ASTN2: variants seen among roughly 807,000 people sequenced by gnomAD.
ASTN2 encodes the protein astrotactin-2.
In ASTN2, 54 loss-of-function variants were observed where a neutral mutation model predicts 139.8. The observed-to-expected ratio is 0.39, with a 90% CI of 0.31 to 0.48. The LOEUF (loss-of-function observed/expected upper bound fraction) is 0.48, where lower values mean the gene tolerates loss of function less well. ASTN2 is among the 20% of genes least tolerant of loss of function. The probability of loss-of-function intolerance (pLI) is 0.95; values close to 1 mark genes in which losing one functional copy is unlikely to be tolerated. For missense variants in ASTN2, 1,565 were observed against 1,725.1 expected (o/e 0.91, Z 1.64); for synonymous variants, 756 against 719.5 (o/e 1.05, Z -0.81).
intron 20 of ASTN2, among the ~76,000 whole-genome samples, chr9:116,479,515 G>A (rs990920053): frequency 6.6e-6 from 1 of 152,242 alleles, no homozygotes; most frequent in East Asian, 1.9e-4. Context: ...CCAGGAGCCT[G>A]GACTTGCTTG....
At chr9:116,759,594 T>A (rs1829623322) in intron 13 of ASTN2, among the ~76,000 whole-genome samples, 1 of 152,174 alleles carries the variant, frequency 6.6e-6, no homozygotes, top group African/African-American at 2.4e-5. Context: ...TCTGCTTGTA[T>A]ACTGATGACG....
intron 10 of ASTN2, among the ~76,000 whole-genome samples, chr9:116,876,900 C>T (rs138326378): frequency 0.013 from 1,905 of 152,178 alleles, 15 homozygotes; most frequent in South Asian, 0.019. Context: ...TGCTTTATTA[C>T]GGTGTTCTGG....
intron 6 of ASTN2, among the ~76,000 whole-genome samples, chr9:117,039,042 G>A (rs2132646408): frequency 6.6e-6 from 1 of 152,278 alleles, no homozygotes; most frequent in African/African-American, 2.4e-5. Context: ...ATTCTAATTA[G>A]CAAATACTCT....
chr9:116,493,793 TG>T (rs1198715687), intron 19 of ASTN2, among the ~76,000 whole-genome samples: 1 of 149,822 alleles, frequency 6.7e-6, no homozygotes, highest in African/African-American at 2.5e-5. Context: ...GCAGTGGGAG[TG>T]GGGGGATGTG....
intron 19 of ASTN2, among the ~76,000 whole-genome samples, chr9:116,614,069 C>T (rs954062362): frequency 1.2e-4 from 19 of 152,168 alleles, no homozygotes; most frequent in Admixed American, 5.2e-4. Context: ...ACAAGCATTC[C>T]TATACACCAA....
chr9:117,386,580 G>C (rs1387889508), intron 1 of ASTN2, among the ~76,000 whole-genome samples: 1 of 152,184 alleles, frequency 6.6e-6, no homozygotes, highest in East Asian at 1.9e-4. Context: ...TTCTGGGAAG[G>C]AGAGCTGAAA....
At chr9:116,551,773 A>C (rs1477405898) in intron 19 of ASTN2, among the ~76,000 whole-genome samples, 2 of 152,160 alleles carry the variant, frequency 1.3e-5, no homozygotes, top group Non-Finnish European at 2.9e-5. Flanking sequence ...CATTTCTCCC[A>C]AAAACACTGT....
At chr9:116,986,813 A>G (rs1836696571) in intron 7 of ASTN2, among the ~76,000 whole-genome samples, 1 of 152,214 alleles carries the variant, frequency 6.6e-6, no homozygotes, top group South Asian at 2.1e-4. Flanking sequence ...TGCTGTCCCC[A>G]GGCTGCACTG....
At chr9:116,745,984 A>G (rs1296954249) in intron 13 of ASTN2, among the ~76,000 whole-genome samples, 1 of 151,448 alleles carries the variant, frequency 6.6e-6, no homozygotes. Context: ...GTTCTAGGGG[A>G]GAGTTGACTT....
chr9:116,799,707 G>A (rs974306928), intron 13 of ASTN2, among the ~76,000 whole-genome samples: 4 of 55,428 alleles, frequency 7.2e-5, no homozygotes, highest in Non-Finnish European at 1.2e-4. Context: ...GTAAGAGAGT[G>A]GGGGGGGGGA....
chr9:116,872,491 T>C (rs930024147), intron 10 of ASTN2, among the ~76,000 whole-genome samples: 1 of 152,126 alleles, frequency 6.6e-6, no homozygotes, highest in Non-Finnish European at 1.5e-5. Context: ...GTTAAAAATG[T>C]TTCTTTGGTG....
At chr9:116,474,554 C>T (rs1418976005) in intron 20 of ASTN2, among the ~76,000 whole-genome samples, 1 of 152,142 alleles carries the variant, frequency 6.6e-6, no homozygotes, top group Non-Finnish European at 1.5e-5. Context: ...CCAGTGATGA[C>T]TCAAGACTGC....
chr9:116,636,888 T>G, intron 17 of ASTN2, among the ~76,000 whole-genome samples: 1 of 152,158 alleles, frequency 6.6e-6, no homozygotes. Context: ...GGGCTCTACC[T>G]TTATAAATGG....
At chr9:117,016,606 ATATCTATATCTATCTATC>A (rs1181863825) in intron 6 of ASTN2, among the ~76,000 whole-genome samples, 4,081 of 16,722 alleles carry the variant, frequency 0.24, 403 homozygotes, top group Non-Finnish European at 0.31. Context: ...ATATATATCT[ATATCTATATCTATCTATC>A]TATATATATA....
At chr9:116,444,812 A>G (rs534071662) in intron 20 of ASTN2, among the ~76,000 whole-genome samples, 1 of 152,298 alleles carries the variant, frequency 6.6e-6, no homozygotes, top group South Asian at 2.1e-4. Context: ...AACATCTGTG[A>G]TAGACTGCCA....
chr9:116,617,246 C>T (rs1855903271), intron 19 of ASTN2, among the ~76,000 whole-genome samples: 1 of 151,994 alleles, frequency 6.6e-6, no homozygotes, highest in Non-Finnish European at 1.5e-5. Context: ...AAAAATAGCC[C>T]AGAGAGGAAT....
At chr9:116,830,227 A>G (rs1044380996) in intron 11 of ASTN2, among the ~76,000 whole-genome samples, 1 of 152,244 alleles carries the variant, frequency 6.6e-6, no homozygotes, top group African/African-American at 2.4e-5. Context: ...AAACATATGA[A>G]AAAATGTTCA....
chr9:116,748,883 C>T (rs1757985550), intron 13 of ASTN2, among the ~76,000 whole-genome samples: 1 of 152,140 alleles, frequency 6.6e-6, no homozygotes, highest in South Asian at 2.1e-4. Context: ...TTGAATAATG[C>T]AAGTGTCCCC....
intron 1 of ASTN2, among the ~76,000 whole-genome samples, chr9:117,313,631 T>C (rs1828045079): frequency 6.6e-6 from 1 of 152,102 alleles, no homozygotes; most frequent in African/African-American, 2.4e-5. Context: ...ATACAAGACA[T>C]TGAGTGCCAC....
Sources: gnomAD v4.1 joint callset for allele counts (sites outside exome capture counted in the v4.1 genomes callset) on GRCh38, gnomAD v4.1.1 for gene constraint, MANE v1.5 for transcripts, NCBI Gene and HGNC (gene_info 2026-07-23, HGNC 2026-07-21) for gene names.